Variants in ABHD2 observed in about 807,000 individuals in gnomAD.
ABHD2 encodes abhydrolase domain containing 2, acylglycerol lipase.
ABHD2 carries 20 observed loss-of-function variants against 48.1 expected under a neutral mutation model. The observed-to-expected ratio is 0.42, with a 90% CI of 0.29 to 0.60. The LOEUF (loss-of-function observed/expected upper bound fraction) is 0.60, where lower values mean the gene tolerates loss of function less well. Among genes scored for constraint, ABHD2 ranks in the 20% least tolerant of loss-of-function variants. ABHD2 has a pLI of 0.24. For synonymous variants in ABHD2, 209 were observed against 214.2 expected, an observed-to-expected ratio of 0.98 and a Z score of 0.21; for missense variants, 405 against 550.9, an observed-to-expected ratio of 0.74 and a Z score of 2.65.
At chr15:89,095,839 G>C (rs1203330814) in intron 1 of ABHD2, among the ~76,000 whole-genome samples, 1 of 152,134 alleles carries the variant, frequency 6.6e-6, no homozygotes, top group African/African-American at 2.4e-5. Context: ...AATGATAATT[G>C]AAAATGTTTT....
chr15:89,111,848 A>G (rs1197728719), intron 1 of ABHD2, among the ~76,000 whole-genome samples: 1 of 152,202 alleles, frequency 6.6e-6, no homozygotes, highest in Non-Finnish European at 1.5e-5. Context: ...ATAAACCTCA[A>G]TGAAAATATC....
At chr15:89,148,979 G>A (rs1856842021) in intron 3 of ABHD2, among the ~76,000 whole-genome samples, 2 of 151,932 alleles carry the variant, frequency 1.3e-5, no homozygotes, top group Non-Finnish European at 2.9e-5. Flanking sequence ...TTTTCTTGTG[G>A]TCTGTGGATA....
rs1222067305 is a variant in ABHD2 at position 89,120,421 on chromosome 15, T to C, written c.194+3900T>C. On this transcript the variant is annotated intron_variant, in intron 3 of 10. Coordinates refer to ENST00000352732, the MANE Select transcript of ABHD2 (RefSeq NM_152924.5). This position sits in a 1 kb window ranked among gnomAD's most constrained non-coding sequence, Gnocchi z 4.2. The stretch of plus-strand genomic sequence containing the variant: ...TTTTCAATAAAAACTTTGATGCATA[T>C]TCATTTTTTTAAATGGAAAAGGTAG... 6.6e-6 allele frequency among the ~76,000 whole-genome samples: 1 copy of C among 152,188 alleles called. No individual in the cohort carries two copies. The highest frequency in any genetic ancestry group is 1.5e-5 in the Non-Finnish European group (1 of 68,028).
rs987604321 is a variant in ABHD2 at position 89,167,466 on chromosome 15, G to A, written c.539-8346G>A. Among the ~76,000 whole-genome samples the A allele has an allele frequency of 9.2e-5, 14 of 152,192 alleles. No individual in the cohort carries two copies. The highest frequency in any genetic ancestry group is 3.4e-4 in the African/African-American group (14 of 41,430). On this transcript the variant is annotated intron_variant, in intron 5 of 10. Coordinates refer to ENST00000352732, the MANE Select transcript of ABHD2 (RefSeq NM_152924.5). This position sits in a 1 kb window ranked among gnomAD's most constrained non-coding sequence, Gnocchi z 5.5. The stretch of plus-strand genomic sequence containing the variant: ...TCGTCTGCTGAGAGCCAGGGGCCAG[G>A]AGCTTCAGGAAGTGTGTCAGGGAGT...
chr15:89,190,947 G>A lies in ABHD2; in HGVS notation c.927-133G>A, dbSNP rs560348462. ...AAAATCAGCTCAGCATTCAGGCCTA[G>A]CTCCTGCCTCTGTCTACTCTACCAA... On this transcript the variant is annotated intron_variant, in intron 8 of 10. Transcript: ENST00000352732. The A allele has an allele frequency of 4.7e-5, 35 of 745,810 alleles. No individual in the cohort carries two copies. The East Asian group carries it at 8.6e-4, about 18-fold the overall frequency. 46.2% of individuals were successfully genotyped at this position (745,810 alleles called of 1,614,324 possible).
chr15:89,053,815 G>A, the ABHD2 span, among the ~76,000 whole-genome samples: 3 of 152,210 alleles, frequency 2.0e-5, no homozygotes, highest in Non-Finnish European at 4.4e-5. Flanking sequence ...GTAAAGTGGT[G>A]CTCACATCTT....
the ABHD2 span, chr15:89,069,950 G>A: frequency 2.0e-5 from 3 of 152,166 alleles, no homozygotes; most frequent in Non-Finnish European, 4.4e-5. Context: ...AAAGTGCTGG[G>A]ATTATAGGCA....
At chr15:89,149,218 C>CACAG (rs2050549895) in intron 3 of ABHD2, among the ~76,000 whole-genome samples, 1 of 146,076 alleles carries the variant, frequency 6.8e-6, no homozygotes, top group African/African-American at 2.5e-5. Flanking sequence ...ATCCCTAACA[C>CACAG]ACACACACAC....
intron 1 of ABHD2, among the ~76,000 whole-genome samples, chr15:89,101,497 A>C (rs1448774674): frequency 1.3e-5 from 2 of 152,212 alleles, no homozygotes; most frequent in Admixed American, 6.5e-5. Context: ...AACCACAATG[A>C]TAATGCTTTA....
At chr15:89,165,802 A>G (rs972550159) in intron 5 of ABHD2, among the ~76,000 whole-genome samples, 6 of 152,194 alleles carry the variant, frequency 3.9e-5, no homozygotes, top group African/African-American at 1.4e-4. Flanking sequence ...GACTTAATTG[A>G]CCTTCTAAAC....
In ABHD2 at chr15:89,159,372, A is replaced by G. The variant is rs140796111; in HGVS notation, c.538+3838A>G. Among the ~76,000 whole-genome samples, 671 of 152,190 alleles carry G rather than the reference A, an allele frequency of 4.4e-3. 7 individuals carry two copies. The highest frequency in any genetic ancestry group is 0.015 in the African/African-American group (628 of 41,530). On this transcript the variant is annotated intron_variant, in intron 5 of 10. Transcript: ENST00000352732. Reference sequence around the variant, plus strand: ...AGCCTGGGCAACAGAGCGAGACTCCATCTCAAAAAAAAAGGAATTACAATA... The same window carrying G: ...AGCCTGGGCAACAGAGCGAGACTCCGTCTCAAAAAAAAAGGAATTACAATA...
the ABHD2 span, among the ~76,000 whole-genome samples, chr15:89,077,468 G>C: frequency 6.6e-6 from 1 of 152,080 alleles, no homozygotes; most frequent in Non-Finnish European, 1.5e-5. Context: ...GTGTTTCTTT[G>C]GGTACATACT....
At chr15:89,180,523 T>C (rs1712565934) in intron 6 of ABHD2, among the ~76,000 whole-genome samples, 1 of 152,236 alleles carries the variant, frequency 6.6e-6, no homozygotes, top group South Asian at 2.1e-4. Context: ...GGTTTTCTTC[T>C]GCTCACACTC....
chr15:89,156,005 T>G (rs1370728754), intron 5 of ABHD2, among the ~76,000 whole-genome samples: 1 of 152,200 alleles, frequency 6.6e-6, no homozygotes, highest in South Asian at 2.1e-4. Flanking sequence ...AGGAACTAGA[T>G]CTCGTCTTTC....
In ABHD2 at chr15:89,167,189, C is replaced by A. The variant is rs1478214619; in HGVS notation, c.539-8623C>A. ...TTACTGCTTAATATCTTACAATCTT[C>A]TATTAGATCATAAACATAGGTGTTT... On this transcript the variant is annotated intron_variant, in intron 5 of 10. Transcript: ENST00000352732. This position sits in a 1 kb window ranked among gnomAD's most constrained non-coding sequence, Gnocchi z 5.5. 6.6e-6 allele frequency among the ~76,000 whole-genome samples: 1 copy of A among 152,122 alleles called. No homozygotes were observed. Among genetic ancestry groups the A allele is most frequent in the Non-Finnish European group, 1.5e-5 (1 of 68,022 alleles).
chr15:89,093,025 A>G (rs1371587933), intron 1 of ABHD2, among the ~76,000 whole-genome samples: 1 of 151,822 alleles, frequency 6.6e-6, no homozygotes, highest in Non-Finnish European at 1.5e-5. Context: ...CTGGAGAGTG[A>G]GGAACGCATT....
In ABHD2 at chr15:89,197,257, A is replaced by G. The variant is rs2051421293; in HGVS notation, c.*1834A>G. 1 of 152,654 alleles carries G rather than the reference A, an allele frequency of 6.6e-6. No individual in the cohort carries two copies. The highest frequency in any genetic ancestry group is 2.4e-5 in the African/African-American group (1 of 41,460). 9.5% of individuals were successfully genotyped at this position (152,654 alleles called of 1,614,324 possible). A position where few individuals can be genotyped will look rare whatever the true frequency, so the allele number is the denominator to read the frequency against. On this transcript the variant is annotated 3_prime_UTR_variant, in exon 11 of 11. Coordinates refer to ENST00000352732, the MANE Select transcript of ABHD2 (RefSeq NM_152924.5). The surrounding 1 kb of genome is among the most constrained non-coding windows in gnomAD (Gnocchi z 4.4). ...AGAGACTGAGATTTCTGTGGTCTCA[A>G]CTTCGCTTTGGTATAATTTCTGGCA...
intron 5 of ABHD2, among the ~76,000 whole-genome samples, chr15:89,160,052 C>T (rs940668371): frequency 7.2e-5 from 11 of 152,140 alleles, no homozygotes; most frequent in Admixed American, 4.6e-4. Flanking sequence ...AAACATCTTT[C>T]GTAGCTTCAA....
chr15:89,090,375 A>G (rs1037322910), intron 1 of ABHD2: 1 of 152,200 alleles, frequency 6.6e-6, no homozygotes, highest in African/African-American at 2.4e-5. Context: ...GGCACAGGGT[A>G]AGCACAATAG....
Sources: allele counts gnomAD v4.1 joint callset (sites outside exome capture counted in the v4.1 genomes callset), GRCh38; gene constraint gnomAD v4.1.1; non-coding constraint Gnocchi (gnomAD v3.1); transcripts MANE v1.5; gene names NCBI Gene and HGNC (gene_info 2026-07-23, HGNC 2026-07-21).